Variants in KCNB2 observed in about 807,000 individuals in gnomAD.
KCNB2 encodes delayed rectifier potassium channel protein.
A neutral mutation model predicts 61.5 loss-of-function variants in KCNB2; 15 were observed. That is an observed-to-expected ratio of 0.24 (90% CI 0.16 to 0.38). The LOEUF (loss-of-function observed/expected upper bound fraction) is 0.38. Among genes scored for constraint, KCNB2 ranks in the 10% least tolerant of loss-of-function variants. KCNB2 has a pLI of 1.00. For synonymous variants in KCNB2, 457 were observed against 446.0 expected, an observed-to-expected ratio of 1.02 and a Z score of -0.31; for missense variants, 828 against 1,125.2, an observed-to-expected ratio of 0.74 and a Z score of 3.78.
chr8:72,870,313 T>C (rs1356876266), intron 2 of KCNB2, among the ~76,000 whole-genome samples: 1 of 152,178 alleles, frequency 6.6e-6, no homozygotes, highest in Non-Finnish European at 1.5e-5. Context: ...TGCACTTATT[T>C]TGTTAAGAGG....
chr8:72,827,161 G>A (rs1434505320), intron 2 of KCNB2, among the ~76,000 whole-genome samples: 1 of 152,118 alleles, frequency 6.6e-6, no homozygotes, highest in African/African-American at 2.4e-5. Context: ...TGATGGCTGA[G>A]GGCTGGGGAA....
At chr8:72,706,337 T>A (rs1807223149) in intron 2 of KCNB2, among the ~76,000 whole-genome samples, 1 of 152,210 alleles carries the variant, frequency 6.6e-6, no homozygotes, top group Admixed American at 6.5e-5. Context: ...TTGATGGAAG[T>A]GCATCATGGA....
At chr8:72,841,372 C>CTTTTTTTTTTTTTTTTTTT (rs769263287) in intron 2 of KCNB2, among the ~76,000 whole-genome samples, 46 of 34,216 alleles carry the variant, frequency 1.3e-3, no homozygotes, top group African/African-American at 3.3e-3. Context: ...TTTTTTTTTT[C>CTTTTTTTTTTTTTTTTTTT]TTTTTTTTTT....
chr8:72,725,559 A>ATGTG (rs1236208225), intron 2 of KCNB2, among the ~76,000 whole-genome samples: 13 of 58,308 alleles, frequency 2.2e-4, no homozygotes, highest in African/African-American at 7.1e-4. Flanking sequence ...ATATATATGT[A>ATGTG]TATATGTATA....
intron 2 of KCNB2, among the ~76,000 whole-genome samples, chr8:72,696,586 A>G (rs920354152): frequency 6.6e-6 from 1 of 152,094 alleles, no homozygotes; most frequent in South Asian, 2.1e-4. Flanking sequence ...TAGGATTTGG[A>G]TGGGAAAGGT....
intron 2 of KCNB2, among the ~76,000 whole-genome samples, chr8:72,716,764 GC>G (rs1807450020): frequency 6.6e-6 from 1 of 151,994 alleles, no homozygotes; most frequent in African/African-American, 2.4e-5. Flanking sequence ...AGACAGGGAT[GC>G]CCTCTCTCAC....
chr8:72,701,194 T>G (rs1435621733), intron 2 of KCNB2, among the ~76,000 whole-genome samples: 1 of 152,142 alleles, frequency 6.6e-6, no homozygotes, highest in Non-Finnish European at 1.5e-5. Flanking sequence ...CCATGAAATA[T>G]ACCTGCACAA....
At chr8:72,664,609 G>A (rs965732849) in intron 2 of KCNB2, among the ~76,000 whole-genome samples, 3 of 152,118 alleles carry the variant, frequency 2.0e-5, no homozygotes, top group African/African-American at 7.2e-5. Context: ...AAGATAGAAA[G>A]CATCTCTTTC....
At chr8:72,610,086 A>T (rs1805514078) in intron 2 of KCNB2, among the ~76,000 whole-genome samples, 1 of 152,194 alleles carries the variant, frequency 6.6e-6, no homozygotes, top group Non-Finnish European at 1.5e-5. Flanking sequence ...TTTTCTGACC[A>T]CAGGGTTGGG....
chr8:72,660,979 T>C (rs1806371636), intron 2 of KCNB2: 1 of 152,216 alleles, frequency 6.6e-6, no homozygotes, highest in African/African-American at 2.4e-5. Flanking sequence ...CATTATTTTG[T>C]CTTATTCAGT....
intron 2 of KCNB2, among the ~76,000 whole-genome samples, chr8:72,718,967 A>C (rs915922851): frequency 6.6e-6 from 1 of 152,142 alleles, no homozygotes; most frequent in African/African-American, 2.4e-5. Context: ...GGTAGATCTG[A>C]ATACTTACCC....
chr8:72,885,862 G>T (rs973120886), intron 2 of KCNB2, among the ~76,000 whole-genome samples: 3 of 152,002 alleles, frequency 2.0e-5, no homozygotes, highest in African/African-American at 4.8e-5. Context: ...AATATGCTAC[G>T]ATAAAGACTG....
intron 2 of KCNB2, among the ~76,000 whole-genome samples, chr8:72,920,117 A>G (rs1806481108): frequency 6.6e-6 from 1 of 152,076 alleles, no homozygotes; most frequent in Non-Finnish European, 1.5e-5. Flanking sequence ...TACTTAAGTT[A>G]TATATAACTT....
chr8:72,789,949 T>C (rs1222941182), intron 2 of KCNB2, among the ~76,000 whole-genome samples: 1 of 151,898 alleles, frequency 6.6e-6, no homozygotes, highest in African/African-American at 2.4e-5. Context: ...TAATTAGAGA[T>C]GAGAAATGAA....
chr8:72,613,765 T>C (rs55847011), intron 2 of KCNB2, among the ~76,000 whole-genome samples: 6,030 of 152,304 alleles, frequency 0.04, 180 homozygotes, highest in Middle Eastern at 0.11. Context: ...GTTGCTGTCA[T>C]TGGCACATTG....
At chr8:72,553,850 A>T (rs559203936) in intron 1 of KCNB2, among the ~76,000 whole-genome samples, 1 of 152,220 alleles carries the variant, frequency 6.6e-6, no homozygotes, top group Admixed American at 6.5e-5. Flanking sequence ...ATTTTATAAC[A>T]TTTGGAATAC....
intron 2 of KCNB2, among the ~76,000 whole-genome samples, chr8:72,700,359 AAATT>A (rs762068357): frequency 1.2e-4 from 18 of 152,248 alleles, no homozygotes; most frequent in East Asian, 3.9e-4. Flanking sequence ...ACTTAAAGTA[AAATT>A]AATTAATTAA....
intron 2 of KCNB2, among the ~76,000 whole-genome samples, chr8:72,605,752 G>T (rs559020701): frequency 1.3e-5 from 2 of 152,076 alleles, no homozygotes; most frequent in Non-Finnish European, 2.9e-5. Context: ...AAGATATGTG[G>T]TTCAATAAAT....
intron 2 of KCNB2, among the ~76,000 whole-genome samples, chr8:72,898,827 T>C (rs1806035148): frequency 6.6e-6 from 1 of 152,160 alleles, no homozygotes; most frequent in Non-Finnish European, 1.5e-5. Context: ...GTCTGTTGTT[T>C]CCATTGTCCC....
Sources: gnomAD v4.1 joint callset for allele counts (sites outside exome capture counted in the v4.1 genomes callset) on GRCh38, gnomAD v4.1.1 for gene constraint, MANE v1.5 for transcripts, NCBI Gene and HGNC (gene_info 2026-07-23, HGNC 2026-07-21) for gene names.